CNTLN: variants seen among roughly 807,000 people sequenced by gnomAD.
CNTLN encodes centlein, centrosomal protein.
Under a neutral mutation model 180.0 loss-of-function variants are expected in CNTLN, and 212 were observed. That is an observed-to-expected ratio of 1.18 (90% CI 1.05 to 1.32). CNTLN has a LOEUF of 1.32. Among genes scored for constraint, CNTLN ranks in the 40% most tolerant of loss-of-function variants. CNTLN has a pLI of 0.00. For missense variants in CNTLN, 2,095 were observed against 1,610.9 expected (o/e 1.30, Z -5.14); for synonymous variants, 722 against 563.1 (o/e 1.28, Z -3.99).
intron 13 of CNTLN, among the ~76,000 whole-genome samples, chr9:17,386,656 A>G (rs1474746604): frequency 1.3e-5 from 2 of 152,228 alleles, no homozygotes; most frequent in African/African-American, 2.4e-5. Flanking sequence ...GCAGATAAGT[A>G]CAGGTGAACA....
downstream of CNTLN, among the ~76,000 whole-genome samples, chr9:17,506,280 A>G (rs1431190850): frequency 6.6e-6 from 1 of 152,130 alleles, no homozygotes; most frequent in Non-Finnish European, 1.5e-5. Context: ...GTTTTACTTC[A>G]TCAAAATTAA....
chr9:17,485,700 T>A (rs1476513243), intron 24 of CNTLN, among the ~76,000 whole-genome samples: 1 of 152,130 alleles, frequency 6.6e-6, no homozygotes, highest in East Asian at 1.9e-4. Flanking sequence ...CTCATGTGAG[T>A]ATGCCTGTGT....
At chr9:17,265,525 A>C (rs1012245972) in intron 5 of CNTLN, among the ~76,000 whole-genome samples, 3 of 152,082 alleles carry the variant, frequency 2.0e-5, no homozygotes, top group African/African-American at 7.2e-5. Flanking sequence ...TGTCTCTGCC[A>C]GGCTTTGGTT....
chr9:17,185,771 TTGTG>T (rs371473319), intron 2 of CNTLN, among the ~76,000 whole-genome samples: 159 of 143,708 alleles, frequency 1.1e-3, no homozygotes, highest in Middle Eastern at 6.9e-3. Flanking sequence ...TGTTTCCCAT[TTGTG>T]TGTGTGTGTG....
chr9:17,285,284 T>C (rs1011464667), intron 6 of CNTLN, among the ~76,000 whole-genome samples: 10 of 150,844 alleles, frequency 6.6e-5, no homozygotes, highest in Non-Finnish European at 1.5e-4. Context: ...GATAGTTTAC[T>C]GAGAATGATG....
At chr9:17,303,839 ATAAT>A (rs1388489782) in intron 7 of CNTLN, among the ~76,000 whole-genome samples, 1 of 152,176 alleles carries the variant, frequency 6.6e-6, no homozygotes, top group Non-Finnish European at 1.5e-5. Context: ...TTTTCGAATA[ATAAT>A]TGGGATTTAG....
intron 6 of CNTLN, among the ~76,000 whole-genome samples, chr9:17,294,883 AG>A (rs1273928126): frequency 2.5e-4 from 3 of 12,014 alleles, no homozygotes; most frequent in African/African-American, 7.0e-4. Context: ...GAGTGGGGGG[AG>A]GGGGGAGTGG....
At chr9:17,164,457 GTTTTTTTTTTT>G (rs772109564) in intron 2 of CNTLN, among the ~76,000 whole-genome samples, 34 of 68,462 alleles carry the variant, frequency 5.0e-4, no homozygotes, top group East Asian at 5.5e-4. Flanking sequence ...TTATTTTTAT[GTTTTTTTTTTT>G]TTTTTTTTTT....
At chr9:17,468,649 A>C (rs895829596) in intron 23 of CNTLN, among the ~76,000 whole-genome samples, 3 of 151,700 alleles carry the variant, frequency 2.0e-5, no homozygotes, top group African/African-American at 7.2e-5. Context: ...GAAGTTTTCA[A>C]AATAGAAAAA....
chr9:17,389,228 A>T (rs1313512710), intron 14 of CNTLN, among the ~76,000 whole-genome samples: 1 of 152,246 alleles, frequency 6.6e-6, no homozygotes, highest in African/African-American at 2.4e-5. Context: ...TATCAAGTTA[A>T]CATAGTAACA....
intron 15 of CNTLN, among the ~76,000 whole-genome samples, chr9:17,409,019 T>A (rs1258232382): frequency 6.6e-6 from 1 of 152,158 alleles, no homozygotes; most frequent in Non-Finnish European, 1.5e-5. Context: ...TTACAACAAT[T>A]GCTTCCTGAG....
intron 2 of CNTLN, among the ~76,000 whole-genome samples, chr9:17,159,928 G>A (rs1819560700): frequency 6.6e-6 from 1 of 152,160 alleles, no homozygotes; most frequent in South Asian, 2.1e-4. Flanking sequence ...GGTCAGGAGA[G>A]CTCTTCAATC....
In CNTLN at chr9:17,143,313, TGTGGAAACGTCTCCAGGTTACA is replaced by T. The variant is rs769270930; in HGVS notation, c.387_408del (p.Trp130ThrfsTer27). On this transcript the variant is annotated frameshift_variant, in exon 2 of 26. Coordinates refer to ENST00000380647, the MANE Select transcript of CNTLN (RefSeq NM_017738.4). LOFTEE classifies it high-confidence loss of function. ...GCTGATAAAGAATTTGTATGGTCTT[TGTGGAAACGTCTCCAGGTTACA>T]AACCCAGATCTCACACAAGTGGTCA... 2.5e-6 allele frequency: 4 copies of T among 1,613,530 alleles called. No homozygotes were observed. The East Asian group carries it at 8.9e-5, about 36-fold the overall frequency.
intron 13 of CNTLN, among the ~76,000 whole-genome samples, chr9:17,374,393 C>T (rs556732513): frequency 2.0e-5 from 3 of 152,214 alleles, no homozygotes; most frequent in African/African-American, 7.2e-5. Flanking sequence ...TCAGAGAATA[C>T]AAATCAAAAC....
chr9:17,433,834 G>GC (rs1250297466), intron 18 of CNTLN, among the ~76,000 whole-genome samples: 1 of 152,138 alleles, frequency 6.6e-6, no homozygotes, highest in Non-Finnish European at 1.5e-5. Context: ...TCTCACCTTG[G>GC]CCTCCCAAAG....
At chr9:17,509,263 T>C in the CNTLN span, among the ~76,000 whole-genome samples, 1 of 152,054 alleles carries the variant, frequency 6.6e-6, no homozygotes, top group Non-Finnish European at 1.5e-5. Context: ...TTCCTGGGGG[T>C]GATCAGCCAG....
intron 5 of CNTLN, among the ~76,000 whole-genome samples, chr9:17,258,709 C>A (rs1391261862): frequency 2.7e-5 from 4 of 146,794 alleles, no homozygotes; most frequent in African/African-American, 5.2e-5. Context: ...AATTTGGATT[C>A]CTAGGTATTT....
chr9:17,395,204 G>C (rs1175281259), intron 15 of CNTLN, 135 bp downstream of exon 15: 2 of 1,328,884 alleles, frequency 1.5e-6, no homozygotes, highest in African/African-American at 2.9e-5. Flanking sequence ...GAAATATCTT[G>C]GGAGGTCTTG....
chr9:17,488,392 A>G lies in CNTLN; in HGVS notation c.4119+1326A>G, dbSNP rs1789485818. On this transcript the variant is annotated intron_variant, in intron 25 of 25. Transcript: ENST00000380647. ...AACCTAGCTCAGTGGCTGACACATC[A>G]AAGAATTCAATAATGATTGTAATGA... Among the ~76,000 whole-genome samples the G allele has an allele frequency of 2.0e-5, 3 of 152,296 alleles. No individual in the cohort carries two copies. The South Asian group carries it at 6.2e-4, about 32-fold the overall frequency.
Sources: allele counts gnomAD v4.1 joint callset (sites outside exome capture counted in the v4.1 genomes callset), GRCh38; gene constraint gnomAD v4.1.1; transcripts MANE v1.5; gene names NCBI Gene and HGNC (gene_info 2026-07-23, HGNC 2026-07-21).